Variants in PPP6C observed in about 807,000 individuals in gnomAD.
PPP6C encodes the protein protein phosphatase 6 catalytic subunit, also known as serine/threonine-protein phosphatase 6 catalytic subunit.
A neutral mutation model predicts 39.8 loss-of-function variants in PPP6C; 11 were observed. That is an observed-to-expected ratio of 0.28 (90% confidence interval 0.17 to 0.46). The LOEUF (loss-of-function observed/expected upper bound fraction) is 0.46. Among genes scored for constraint, PPP6C ranks in the 20% least tolerant of loss-of-function variants. The pLI is 1.00. For synonymous variants in PPP6C, 129 were observed against 130.3 expected (o/e 0.99, Z 0.07); for missense variants, 211 against 373.9 (o/e 0.56, Z 3.59).
intron 1 of PPP6C, among the ~76,000 whole-genome samples, chr9:125,179,928 T>C (rs1036762115): frequency 2.0e-5 from 3 of 152,120 alleles, no homozygotes; most frequent in Non-Finnish European, 4.4e-5. Context: ...AGTGCTAGGA[T>C]TACAAGTGTG....
At chr9:125,171,033 C>T (rs1829136886) in intron 2 of PPP6C, 52 bp downstream of exon 2, 1 of 1,217,640 alleles carries the variant, frequency 8.2e-7, no homozygotes, top group African/African-American at 1.6e-5. Context: ...TGTGAAAACA[C>T]ACATGGATCA....
At chr9:125,172,639 TG>T (rs1564154670) in intron 1 of PPP6C, among the ~76,000 whole-genome samples, 1 of 152,058 alleles carries the variant, frequency 6.6e-6, no homozygotes, top group Non-Finnish European at 1.5e-5. Flanking sequence ...CTTGTGATGA[TG>T]GACCTGTTCT....
intron 1 of PPP6C, chr9:125,189,033 C>A: frequency 9.8e-7 from 1 of 1,021,262 alleles, no homozygotes; most frequent in Non-Finnish European, 1.5e-6. Flanking sequence ...CAACAACATA[C>A]TCAGAAACGG....
rs757507699 is a variant in PPP6C, at chr9:125,149,504, ACAC to A, written c.*166_*168del. On this transcript the variant is annotated 3_prime_UTR_variant, in exon 7 of 7. Coordinates refer to ENST00000373547, the MANE Select transcript of PPP6C (RefSeq NM_002721.5). ...AATTGATAGAAAAACTTTGCTATAG[ACAC>A]CACAACAAACAATAAATTTAGATAA... 1.1e-5 allele frequency: 9 copies of A among 837,426 alleles called. No individual in the cohort carries two copies. The highest frequency in any genetic ancestry group is 3.3e-5 in the Admixed American group (1 of 30,158). 51.9% of individuals were successfully genotyped at this position (837,426 alleles called of 1,614,324 possible).
chr9:125,171,478 C>CACACACACACATAT (rs1171157245), intron 1 of PPP6C, among the ~76,000 whole-genome samples: 1 of 83,530 alleles, frequency 1.2e-5, no homozygotes, highest in African/African-American at 5.5e-5. Flanking sequence ...CACACACACA[C>CACACACACACATAT]ATATATATAT....
intron 1 of PPP6C, among the ~76,000 whole-genome samples, chr9:125,186,525 C>T (rs566225794): frequency 2.0e-5 from 3 of 151,950 alleles, no homozygotes; most frequent in East Asian, 3.9e-4. Flanking sequence ...GTGGGAGGAT[C>T]GCTTGAGCCC....
intron 1 of PPP6C, among the ~76,000 whole-genome samples, chr9:125,184,531 T>C (rs558391023): frequency 6.7e-6 from 1 of 150,262 alleles, no homozygotes; most frequent in East Asian, 1.9e-4. Flanking sequence ...CACTCCACCC[T>C]GGGCAGCAGA....
intron 6 of PPP6C, chr9:125,150,788 T>C: frequency 1.4e-6 from 1 of 721,878 alleles, no homozygotes. Flanking sequence ...TTGGCAAAAG[T>C]GTACGTGGAA....
At chr9:125,169,164 A>G (rs941677262) in intron 2 of PPP6C, among the ~76,000 whole-genome samples, 3 of 152,196 alleles carry the variant, frequency 2.0e-5, no homozygotes, top group Non-Finnish European at 4.4e-5. Context: ...TCAAATCTCA[A>G]TCTGCCCTGT....
At chr9:125,167,379 C>CAAAA (rs758123351) in intron 2 of PPP6C, among the ~76,000 whole-genome samples, 13,421 of 55,368 alleles carry the variant, frequency 0.24, 1,234 homozygotes, top group Non-Finnish European at 0.32. Context: ...AGACCCTGTC[C>CAAAA]AAAAAAAAAA....
intron 2 of PPP6C, among the ~76,000 whole-genome samples, chr9:125,165,932 G>T (rs1027921165): frequency 6.6e-6 from 1 of 150,960 alleles, no homozygotes; most frequent in African/African-American, 2.4e-5. Context: ...AAGTAGCCGA[G>T]ATTACAGGCA....
rs1835868475 is a variant in PPP6C, at chr9:125,148,844, A to G, written c.*829T>C. 1 of 152,190 alleles carries G rather than the reference A, an allele frequency of 6.6e-6. No homozygotes were observed. Among genetic ancestry groups the G allele is most frequent in the Admixed American group, 6.5e-5 (1 of 15,280 alleles). 9.4% of individuals were successfully genotyped at this position (152,190 alleles called of 1,614,324 possible). On this transcript the variant is annotated 3_prime_UTR_variant, in exon 7 of 7. Transcript: ENST00000373547. ...CAGTTATGTTCTTTAGGCACAGTTT[A>G]GTGATTTTTTTCAAAAATAAATACT...
At chr9:125,180,402 A>AAAG (rs1168847087) in intron 1 of PPP6C, among the ~76,000 whole-genome samples, 1 of 152,118 alleles carries the variant, frequency 6.6e-6, no homozygotes, top group African/African-American at 2.4e-5. Flanking sequence ...GGAACTGATG[A>AAAG]ATGATTCTAA....
intron 4 of PPP6C, among the ~76,000 whole-genome samples, chr9:125,156,666 T>C (rs1836083094): frequency 6.6e-6 from 1 of 151,816 alleles, no homozygotes; most frequent in Admixed American, 6.7e-5. Flanking sequence ...TCAATATCTG[T>C]CTTAATTGTG....
intron 6 of PPP6C, chr9:125,150,951 TC>T: frequency 8.4e-7 from 1 of 1,195,900 alleles, no homozygotes; most frequent in Non-Finnish European, 1.2e-6. Context: ...TAATAAAGAG[TC>T]AGGTGACAAT....
At chr9:125,180,525 C>T (rs571685073) in intron 1 of PPP6C, among the ~76,000 whole-genome samples, 8 of 152,284 alleles carry the variant, frequency 5.3e-5, no homozygotes, top group South Asian at 2.1e-4. Flanking sequence ...CAGGTTCAAG[C>T]GATTCTCCTG....
At chr9:125,166,634 G>A (rs1351022626) in intron 2 of PPP6C, among the ~76,000 whole-genome samples, 1 of 149,538 alleles carries the variant, frequency 6.7e-6, no homozygotes, top group Non-Finnish European at 1.5e-5. Flanking sequence ...CCAGGTTCAA[G>A]TAATTTTCCC....
intron 3 of PPP6C, among the ~76,000 whole-genome samples, chr9:125,159,895 G>A (rs942626249): frequency 1.6e-4 from 24 of 152,088 alleles, no homozygotes; most frequent in Middle Eastern, 3.2e-3. Flanking sequence ...GGTGGCGCAC[G>A]CCTGTAATAC....
chr9:125,160,168 T>C (rs185020006), intron 3 of PPP6C, among the ~76,000 whole-genome samples: 4 of 152,332 alleles, frequency 2.6e-5, no homozygotes, highest in South Asian at 4.1e-4. Flanking sequence ...AATCCATCCA[T>C]AGATTAACGA....
Sources: gnomAD v4.1 joint callset for allele counts (sites outside exome capture counted in the v4.1 genomes callset) on GRCh38, gnomAD v4.1.1 for gene constraint, MANE v1.5 for transcripts, NCBI Gene and HGNC (gene_info 2026-07-23, HGNC 2026-07-21) for gene names.